Variants in GPT2 observed in about 807,000 individuals in gnomAD.
GPT2 encodes the protein alanine aminotransferase 2.
Under a neutral mutation model 56.9 loss-of-function variants are expected in GPT2, and 30 were observed. That is an observed-to-expected ratio of 0.53 (90% CI 0.39 to 0.72). The LOEUF is 0.72. Ranked by LOEUF, GPT2 falls within the 30% of genes least tolerant of loss-of-function variation. The probability of loss-of-function intolerance (pLI) is 0.00; values close to 1 mark genes in which losing one functional copy is unlikely to be tolerated. For synonymous variants in GPT2, 271 were observed against 283.1 expected (o/e 0.96, Z 0.43); for missense variants, 542 against 703.4 (o/e 0.77, Z 2.60).
intron 4 of GPT2, among the ~76,000 whole-genome samples, 183 bp downstream of exon 4, chr16:46,900,973 T>C (rs543350014): frequency 6.6e-6 from 1 of 152,328 alleles, no homozygotes; most frequent in South Asian, 2.1e-4. Flanking sequence ...GCCTCGTTTA[T>C]TAAGCAGGCG....
intron 5 of GPT2, among the ~76,000 whole-genome samples, chr16:46,907,576 T>A (rs959249884): frequency 6.6e-6 from 1 of 152,108 alleles, no homozygotes; most frequent in Non-Finnish European, 1.5e-5. Context: ...TGCAGAGGCC[T>A]AGAGCTGGCA....
chr16:46,905,854 C>A (rs1287017027), intron 4 of GPT2, among the ~76,000 whole-genome samples: 3 of 152,192 alleles, frequency 2.0e-5, no homozygotes, highest in Non-Finnish European at 4.4e-5. Context: ...ATACCCCCAC[C>A]CCAGAGCAGT....
chr16:46,922,606 G>A lies in GPT2; in HGVS notation c.1212+190G>A, dbSNP rs567054864. ...AAGTCTGGAAGCGCAGCTGGGCATT[G>A]TTTGGAAGTAGGAGGACTGTGAGTG... On this transcript the variant is annotated intron_variant, in intron 9 of 11. Transcript: ENST00000340124. 3.9e-5 allele frequency among the ~76,000 whole-genome samples: 6 copies of A among 152,332 alleles called. No individual in the cohort carries two copies. The South Asian group carries it at 6.2e-4, about 16-fold the overall frequency.
At chr16:46,911,090 T>A (rs899810509) in intron 6 of GPT2, among the ~76,000 whole-genome samples, 2 of 152,238 alleles carry the variant, frequency 1.3e-5, no homozygotes, top group African/African-American at 2.4e-5. Flanking sequence ...GATACAGCAC[T>A]GCTGTGTACC....
rs1348459756 is a variant in GPT2 at position 46,900,682 on chromosome 16, G to A, written c.334G>A (p.Val112Met). ...GQQPITFLRQ[V>M]MALCTYPNLL... ...CTCAGCCTGTGTCTTGTTCCCCCAG[G>A]TGATGGCACTATGCACCTACCCAAA... is the stretch of plus-strand genomic sequence containing the variant. Residue 112 changes from valine (V) to methionine (M), a missense_variant and splice_region_variant, in exon 4 of 12, where the codon GTG becomes ATG. Physicochemically the swap from Val to Met is conservative, Grantham distance 21 (BLOSUM62 1). Coordinates refer to ENST00000340124, the MANE Select transcript of GPT2 (RefSeq NM_133443.4). The A allele has an allele frequency of 6.2e-7, 1 of 1,612,790 alleles. No individual in the cohort carries two copies. The highest frequency in any genetic ancestry group is 1.7e-5 in the Admixed American group (1 of 59,980).
intron 3 of GPT2, among the ~76,000 whole-genome samples, chr16:46,898,834 G>A (rs1960737567): frequency 6.7e-6 from 1 of 149,088 alleles, no homozygotes; most frequent in South Asian, 2.1e-4. Context: ...ACAGGCGTGA[G>A]CCACCATACC....
intron 6 of GPT2, among the ~76,000 whole-genome samples, chr16:46,912,171 A>G (rs1961058666): frequency 1.3e-5 from 2 of 152,154 alleles, no homozygotes; most frequent in Non-Finnish European, 2.9e-5. Flanking sequence ...TGGGTTCTTA[A>G]ACCAGGACCC....
At chr16:46,904,065 C>G (rs1379591640) in intron 4 of GPT2, among the ~76,000 whole-genome samples, 1 of 152,114 alleles carries the variant, frequency 6.6e-6, no homozygotes, top group Admixed American at 6.5e-5. Flanking sequence ...ATGAAGGGGC[C>G]CTAGGGCAGT....
At chr16:46,902,718 C>T (rs927848660) in intron 4 of GPT2, among the ~76,000 whole-genome samples, 2 of 152,072 alleles carry the variant, frequency 1.3e-5, no homozygotes, top group Admixed American at 6.5e-5. Context: ...CTCTGCCTCC[C>T]GGGTTCAAGC....
In GPT2 at chr16:46,924,457, C is replaced by A; in HGVS notation, c.1281C>A (p.Val427=). The change falls in exon 10 of 12, where the codon GTC becomes GTA. Residue 427 remains valine, a synonymous_variant. Transcript: ENST00000340124. The part of the protein sequence containing the change: ...AKLTEDLFNQ[V]PGIHCNPLQG... ...TGACGGAAGACCTGTTTAACCAAGT[C>A]CCAGGAATTCACTGCAACCCCTTGC... The A allele has an allele frequency of 6.2e-7, 1 of 1,614,212 alleles. No homozygotes were observed. Among genetic ancestry groups the A allele is most frequent in the South Asian group, 1.1e-5 (1 of 91,080 alleles).
intron 6 of GPT2, among the ~76,000 whole-genome samples, chr16:46,914,649 G>T (rs1226726089): frequency 6.6e-6 from 1 of 152,252 alleles, no homozygotes; most frequent in African/African-American, 2.4e-5. Context: ...AGACACCAAA[G>T]CTGGTGCCCA....
At chr16:46,922,508 C>G in intron 9 of GPT2, 92 bp downstream of exon 9, 1 of 1,242,014 alleles carries the variant, frequency 8.1e-7, no homozygotes, top group Non-Finnish European at 1.1e-6. Flanking sequence ...GGTGGCCAGA[C>G]AGCAGCCTCC....
At chr16:46,925,740 C>G (rs937269915) in intron 10 of GPT2, among the ~76,000 whole-genome samples, 9 of 152,052 alleles carry the variant, frequency 5.9e-5, no homozygotes, top group African/African-American at 2.2e-4. Flanking sequence ...GGGAGGATCG[C>G]CTGAGCCTGG....
At chr16:46,903,855 C>T (rs181284171) in intron 4 of GPT2, among the ~76,000 whole-genome samples, 135 of 152,210 alleles carry the variant, frequency 8.9e-4, no homozygotes, top group African/African-American at 3.0e-3. Flanking sequence ...AGAATATATA[C>T]GAATGTGTAA....
chr16:46,926,972 G>A lies in GPT2; in HGVS notation c.1416G>A (p.Glu472=). ...PDMFYCMKLL[E]ETGICVVPGS... ...TGTTCTACTGCATGAAGCTCCTGGA[G>A]GAGACTGGCATCTGTGTCGTGCCCG... The change falls in exon 11 of 12, where the codon GAG becomes GAA. Residue 472 remains glutamate (E), a synonymous_variant. Coordinates refer to ENST00000340124, the MANE Select transcript of GPT2 (RefSeq NM_133443.4). The A allele has an allele frequency of 6.2e-7, 1 of 1,609,538 alleles. No homozygotes were observed. Among genetic ancestry groups the A allele is most frequent in the Non-Finnish European group, 8.5e-7 (1 of 1,178,062 alleles).
chr16:46,918,821 T>C (rs991039805), intron 8 of GPT2, 64 bp downstream of exon 8: 18 of 1,588,742 alleles, frequency 1.1e-5, no homozygotes, highest in Non-Finnish European at 1.5e-5. Flanking sequence ...TGCCGGCTCC[T>C]CTGCCCTGCC....
intron 6 of GPT2, among the ~76,000 whole-genome samples, chr16:46,910,867 A>G (rs1009687946): frequency 3.3e-5 from 5 of 152,028 alleles, no homozygotes; most frequent in African/African-American, 1.2e-4. Flanking sequence ...GATTATAGGC[A>G]TGAGCCACTG....
chr16:46,911,150 CA>C (rs1252592703), intron 6 of GPT2, among the ~76,000 whole-genome samples: 2 of 151,880 alleles, frequency 1.3e-5, no homozygotes, highest in Non-Finnish European at 1.5e-5. Context: ...GCAACTAAAC[CA>C]AAAAAACCAC....
At chr16:46,897,403 G>A (rs1159119652) in intron 2 of GPT2, among the ~76,000 whole-genome samples, 2 of 152,030 alleles carry the variant, frequency 1.3e-5, no homozygotes, top group South Asian at 2.1e-4. Context: ...CCTTGAGGAA[G>A]TTTCTACCCT....
Sources: gnomAD v4.1 joint callset for allele counts (sites outside exome capture counted in the v4.1 genomes callset) on GRCh38, gnomAD v4.1.1 for gene constraint, MANE v1.5 for transcripts, NCBI Gene and HGNC (gene_info 2026-07-23, HGNC 2026-07-21) for gene names.